Variants in SUZ12 observed in about 807,000 individuals in gnomAD.
SUZ12 encodes the protein SUZ12 polycomb repressive complex 2 subunit.
Under a neutral mutation model 87.3 loss-of-function variants are expected in SUZ12, and 17 were observed. The ratio of observed to expected loss-of-function variants is 0.19; its 90% CI spans 0.13 to 0.29. The LOEUF (loss-of-function observed/expected upper bound fraction) is 0.29, where lower values mean the gene tolerates loss of function less well. Among genes scored for constraint, SUZ12 ranks in the 10% least tolerant of loss-of-function variants. The probability of loss-of-function intolerance (pLI) is 1.00; values close to 1 mark genes in which losing one functional copy is unlikely to be tolerated. For missense variants in SUZ12, 526 were observed against 912.2 expected, an observed-to-expected ratio of 0.58 and a Z score of 5.45; for synonymous variants, 253 against 312.4, an observed-to-expected ratio of 0.81 and a Z score of 2.01.
chr17:31,946,160 C>T (rs995548756), intron 3 of SUZ12, among the ~76,000 whole-genome samples: 6 of 152,074 alleles, frequency 3.9e-5, no homozygotes, highest in African/African-American at 1.2e-4. Context: ...TGTATCAATT[C>T]TGCTCTAATA....
intron 6 of SUZ12, among the ~76,000 whole-genome samples, chr17:31,974,006 G>A (rs888733158): frequency 6.6e-6 from 1 of 151,862 alleles, no homozygotes; most frequent in African/African-American, 2.4e-5. Context: ...TGGGCAGATT[G>A]CTTGAACCCA....
chr17:31,948,535 T>C (rs2142130330), intron 4 of SUZ12, among the ~76,000 whole-genome samples: 1 of 152,348 alleles, frequency 6.6e-6, no homozygotes, highest in Non-Finnish European at 1.5e-5. Flanking sequence ...TTAGATAGGA[T>C]ATACACTTAA....
At chr17:31,954,872 T>G (rs1221762472) in intron 4 of SUZ12, among the ~76,000 whole-genome samples, 1 of 152,180 alleles carries the variant, frequency 6.6e-6, no homozygotes, top group Admixed American at 6.5e-5. Context: ...AGAGCAAGTC[T>G]CCTTGAGAGT....
At chr17:31,974,317 G>A (rs1030653060) in intron 6 of SUZ12, among the ~76,000 whole-genome samples, 10 of 152,182 alleles carry the variant, frequency 6.6e-5, no homozygotes, top group African/African-American at 1.9e-4. Context: ...GGCAGATCAC[G>A]AGGTCAGGAG....
chr17:31,949,029 A>G (rs1397984949), intron 4 of SUZ12, among the ~76,000 whole-genome samples: 1 of 152,144 alleles, frequency 6.6e-6, no homozygotes, highest in Non-Finnish European at 1.5e-5. Flanking sequence ...TCTCCTGACC[A>G]CATTAAAAGT....
At chr17:31,953,083 CT>C (rs1336216310) in intron 4 of SUZ12, among the ~76,000 whole-genome samples, 1 of 152,020 alleles carries the variant, frequency 6.6e-6, no homozygotes, top group Non-Finnish European at 1.5e-5. Flanking sequence ...TGAATTAGAA[CT>C]TTTATTAGGG....
chr17:31,947,779 G>A, intron 4 of SUZ12, 94 bp downstream of exon 4: 5 of 1,295,892 alleles, frequency 3.9e-6, no homozygotes, highest in Non-Finnish European at 5.2e-6. Flanking sequence ...TTGATATAAG[G>A]AGTTAGAAGG....
chr17:31,937,261 G>A lies in SUZ12; in HGVS notation c.15G>A (p.Lys5=). 7.2e-7 allele frequency: 1 copy of A among 1,396,758 alleles called. No individual in the cohort carries two copies. Among genetic ancestry groups the A allele is most frequent in the Non-Finnish European group, 9.2e-7 (1 of 1,086,500 alleles). The allele number at this position is 1,396,758 out of a possible 1,614,324, so 86.5% of individuals were successfully genotyped here. A position where few individuals can be genotyped will look rare whatever the true frequency, so the allele number is the denominator to read the frequency against. The change falls in exon 1 of 16, where the codon AAG becomes AAA. Residue 5 remains lysine (K), a synonymous_variant. Transcript: ENST00000322652. ...CAGGAACCGCGATGGCGCCTCAGAAGCACGGCGGTGGGGGAGGGGGCGGCT... is the reference window on the plus strand; with the variant it reads ...CAGGAACCGCGATGGCGCCTCAGAAACACGGCGGTGGGGGAGGGGGCGGCT... The part of the protein sequence containing the change: MAPQ[K]HGGGGGGGSG...
chr17:31,990,121 A>ATTTTTTTTTTTTTT (rs59793925), intron 10 of SUZ12, among the ~76,000 whole-genome samples: 37 of 99,840 alleles, frequency 3.7e-4, no homozygotes, highest in African/African-American at 1.0e-3. Context: ...TGCCCGGCTA[A>ATTTTTTTTTTTTTT]TTTTTTTTTT....
intron 8 of SUZ12, among the ~76,000 whole-genome samples, chr17:31,978,068 T>C (rs1908865310): frequency 6.6e-6 from 1 of 152,128 alleles, no homozygotes. Flanking sequence ...CATTTTTTCT[T>C]TTTGGGATTG....
chr17:31,995,559 A>T lies in SUZ12; in HGVS notation c.1596-5A>T. On this transcript the variant is annotated splice_polypyrimidine_tract_variant and splice_region_variant and intron_variant, in intron 13 of 15. Transcript: ENST00000322652. ...CATAAATCAACATTTATTTCTTTTC[A>T]TTAGGCCAAAACGAACAAAAGCAAG... The T allele has an allele frequency of 6.2e-7, 1 of 1,613,770 alleles. No individual in the cohort carries two copies. Among genetic ancestry groups the T allele is most frequent in the East Asian group, 2.2e-5 (1 of 44,842 alleles).
At chr17:31,977,082 C>G (rs1182527040) in intron 8 of SUZ12, among the ~76,000 whole-genome samples, 1 of 152,044 alleles carries the variant, frequency 6.6e-6, no homozygotes, top group Non-Finnish European at 1.5e-5. Flanking sequence ...GGACTGGGCC[C>G]TACGTAAATC....
At chr17:31,981,325 A>G (rs1282309537) in intron 8 of SUZ12, among the ~76,000 whole-genome samples, 8 of 152,212 alleles carry the variant, frequency 5.3e-5, no homozygotes, top group African/African-American at 1.9e-4. Context: ...ATAGATACAT[A>G]TGGTTCTTAA....
chr17:31,980,751 C>G (rs960731971), intron 8 of SUZ12, among the ~76,000 whole-genome samples: 2 of 151,960 alleles, frequency 1.3e-5, no homozygotes, highest in African/African-American at 4.8e-5. Flanking sequence ...CCCCGGCCTA[C>G]CTTCTTCTTT....
intron 4 of SUZ12, among the ~76,000 whole-genome samples, chr17:31,952,458 G>A (rs1489451909): frequency 2.0e-5 from 3 of 152,134 alleles, no homozygotes; most frequent in Non-Finnish European, 4.4e-5. Flanking sequence ...TTTTGACCAG[G>A]CACTATGGCT....
At chr17:31,941,392 G>T (rs111432675) in intron 3 of SUZ12, among the ~76,000 whole-genome samples, 7,121 of 151,738 alleles carry the variant, frequency 0.047, 540 homozygotes, top group African/African-American at 0.16. Context: ...AAGTAGCTGG[G>T]GTTACAGGCG....
intron 5 of SUZ12, 45 bp downstream of exon 5, chr17:31,966,241 A>T (rs763864292): frequency 1.6e-5 from 24 of 1,478,158 alleles, no homozygotes; most frequent in Middle Eastern, 1.8e-4. Context: ...ATAGCAAGAT[A>T]CCTTTGTGAA....
intron 4 of SUZ12, among the ~76,000 whole-genome samples, chr17:31,952,243 A>G (rs1055286030): frequency 6.6e-5 from 10 of 152,106 alleles, no homozygotes; most frequent in African/African-American, 2.4e-4. Flanking sequence ...AAATTTTTGT[A>G]GAGGCAGGAT....
intron 4 of SUZ12, among the ~76,000 whole-genome samples, chr17:31,949,660 GCC>G (rs796561870): frequency 0.021 from 115 of 5,366 alleles, 2 homozygotes; most frequent in African/African-American, 0.03. Flanking sequence ...ACCACACCCA[GCC>G]CCCCCCCCCC....
Sources: gnomAD v4.1 joint callset for allele counts (sites outside exome capture counted in the v4.1 genomes callset) on GRCh38, gnomAD v4.1.1 for gene constraint, MANE v1.5 for transcripts, NCBI Gene and HGNC (gene_info 2026-07-23, HGNC 2026-07-21) for gene names.